Variants in GRIK1 observed in about 807,000 individuals in gnomAD.
The protein encoded by GRIK1 is glutamate receptor ionotropic, kainate 1.
GRIK1 carries 69 observed loss-of-function variants against 105.7 expected under a neutral mutation model. The observed-to-expected ratio is 0.65, with a 90% CI of 0.54 to 0.80. The LOEUF is 0.80. Among genes scored for constraint, GRIK1 ranks in the 30% least tolerant of loss-of-function variants. The probability of loss-of-function intolerance (pLI) is 0.00; values close to 1 mark genes in which losing one functional copy is unlikely to be tolerated. For synonymous variants in GRIK1, 438 were observed against 431.3 expected (o/e 1.02, Z -0.19); for missense variants, 1,109 against 1,167.3 (o/e 0.95, Z 0.73).
chr21:29,553,468 T>C, intron 16 of GRIK1: 1 of 1,453,106 alleles, frequency 6.9e-7, no homozygotes, highest in East Asian at 2.4e-5. Flanking sequence ...TTGTGGCTAT[T>C]TATGCTTAGC....
chr21:29,788,299 T>C (rs532719497), intron 1 of GRIK1, among the ~76,000 whole-genome samples: 2 of 152,296 alleles, frequency 1.3e-5, no homozygotes, highest in South Asian at 2.1e-4. Flanking sequence ...AAGACGGGCA[T>C]TGCGAAAAGA....
chr21:29,916,087 T>C (rs568487672), intron 1 of GRIK1, among the ~76,000 whole-genome samples: 16 of 137,598 alleles, frequency 1.2e-4, no homozygotes, highest in African/African-American at 4.6e-4. Flanking sequence ...CTGTTTATTA[T>C]TGCAATTTTC....
chr21:29,802,743 C>A (rs2066747306), intron 1 of GRIK1, among the ~76,000 whole-genome samples: 1 of 152,168 alleles, frequency 6.6e-6, no homozygotes, highest in African/African-American at 2.4e-5. Context: ...CATCTGCGAT[C>A]CATTTTGAAC....
chr21:29,668,199 C>CT (rs550360631), intron 4 of GRIK1, among the ~76,000 whole-genome samples: 1 of 152,260 alleles, frequency 6.6e-6, no homozygotes, highest in South Asian at 2.1e-4. Flanking sequence ...ACAAAGAAGG[C>CT]TTCTGTCCTC....
At chr21:29,849,792 A>G (rs2068247571) in intron 1 of GRIK1, among the ~76,000 whole-genome samples, 1 of 152,188 alleles carries the variant, frequency 6.6e-6, no homozygotes, top group South Asian at 2.1e-4. Context: ...TGGTGAGAAA[A>G]CTACCCCAGG....
intron 3 of GRIK1, among the ~76,000 whole-genome samples, chr21:29,676,648 G>T (rs1173172191): frequency 6.6e-6 from 1 of 152,104 alleles, no homozygotes; most frequent in Admixed American, 6.6e-5. Context: ...AATGGTGAAG[G>T]TGCATGTAAT....
At chr21:29,913,704 T>C (rs1476854430) in intron 1 of GRIK1, among the ~76,000 whole-genome samples, 1 of 151,064 alleles carries the variant, frequency 6.6e-6, no homozygotes, top group East Asian at 1.9e-4. Flanking sequence ...TTTGTAGATT[T>C]GTATGTAGAA....
intron 7 of GRIK1, among the ~76,000 whole-genome samples, chr21:29,617,760 A>G (rs1177845176): frequency 2.0e-5 from 3 of 152,134 alleles, no homozygotes; most frequent in Non-Finnish European, 2.9e-5. Context: ...ATCAGATTCA[A>G]ATATTTTCCT....
intron 1 of GRIK1, among the ~76,000 whole-genome samples, chr21:29,849,745 G>A (rs147182277): frequency 2.0e-5 from 3 of 152,276 alleles, no homozygotes. Flanking sequence ...GATGAGTGCC[G>A]GTAAGGGTTC....
chr21:29,815,490 G>A (rs1461859380), intron 1 of GRIK1, among the ~76,000 whole-genome samples: 2 of 152,148 alleles, frequency 1.3e-5, no homozygotes, highest in African/African-American at 2.4e-5. Flanking sequence ...GCAGGATACT[G>A]GGAGTGGGGT....
chr21:29,681,354 A>G (rs2063371986), intron 3 of GRIK1, among the ~76,000 whole-genome samples: 1 of 152,140 alleles, frequency 6.6e-6, no homozygotes, highest in South Asian at 2.1e-4. Flanking sequence ...AAAGTCTTGC[A>G]TGACCTACAA....
chr21:29,589,130 A>C (rs1158106590), intron 10 of GRIK1, 88 bp from the exon 11 acceptor site: 1 of 757,252 alleles, frequency 1.3e-6, no homozygotes, highest in Non-Finnish European at 2.2e-6. Flanking sequence ...GAAATGTTTG[A>C]TAATGATTTT....
rs1414926147 is a variant in GRIK1, at chr21:29,575,005, T to C, written c.2130+1959A>G. 2.6e-5 allele frequency among the ~76,000 whole-genome samples: 4 copies of C among 152,150 alleles called. No homozygotes were observed. The East Asian group carries it at 7.7e-4, about 29-fold the overall frequency. ...CACCGCGCCCGGCCTAAATAAATGATACACTTCTTAAAATAAAAAGTGTTT... is the reference window on the plus strand; with the variant it reads ...CACCGCGCCCGGCCTAAATAAATGACACACTTCTTAAAATAAAAAGTGTTT... On this transcript the variant is annotated intron_variant, in intron 14 of 17. Coordinates refer to ENST00000327783, the MANE Select transcript of GRIK1 (RefSeq NM_001330994.2).
At chr21:29,770,943 G>A (rs746255223) in intron 1 of GRIK1, among the ~76,000 whole-genome samples, 98 of 152,316 alleles carry the variant, frequency 6.4e-4, no homozygotes, top group Non-Finnish European at 1.0e-3. Flanking sequence ...AAATTAGTAA[G>A]TGGGATGAGT....
intron 4 of GRIK1, among the ~76,000 whole-genome samples, chr21:29,671,139 T>G (rs899627245): frequency 2.1e-4 from 32 of 152,206 alleles, no homozygotes; most frequent in African/African-American, 7.5e-4. Context: ...TATTATTTTT[T>G]GGGGACAGAG....
rs2062761541 is a variant in GRIK1 at position 29,652,652 on chromosome 21, A to G, written c.781-1361T>C. On this transcript the variant is annotated intron_variant, in intron 5 of 17. Coordinates refer to ENST00000327783, the MANE Select transcript of GRIK1 (RefSeq NM_001330994.2). ...ATGTAATAATTTCAACTTTTTTCTT[A>G]TATGAAAAGACTAGATTTAAAAATA... 5.3e-5 allele frequency among the ~76,000 whole-genome samples: 8 copies of G among 152,256 alleles called. 1 individual carries two copies. In the South Asian group the frequency reaches 1.2e-3, roughly 24 times the overall value.
intron 7 of GRIK1, 48 bp downstream of exon 7, chr21:29,642,778 C>A: frequency 6.3e-7 from 1 of 1,586,104 alleles, no homozygotes; most frequent in African/African-American, 1.3e-5. Flanking sequence ...ATGGGCAAGC[C>A]CAACAGTGCT....
chr21:29,742,061 T>C (rs1247623007), intron 1 of GRIK1, among the ~76,000 whole-genome samples: 2 of 152,232 alleles, frequency 1.3e-5, no homozygotes, highest in Non-Finnish European at 2.9e-5. Flanking sequence ...GGAAAGACTC[T>C]TAACCATATG....
chr21:29,904,464 T>G (rs557836699), intron 1 of GRIK1, among the ~76,000 whole-genome samples: 2 of 152,238 alleles, frequency 1.3e-5, no homozygotes, highest in Non-Finnish European at 2.9e-5. Flanking sequence ...GTTCTTAGCT[T>G]AACACAATCC....
Sources: allele counts gnomAD v4.1 joint callset (sites outside exome capture counted in the v4.1 genomes callset), GRCh38; gene constraint gnomAD v4.1.1; transcripts MANE v1.5; gene names NCBI Gene and HGNC (gene_info 2026-07-23, HGNC 2026-07-21).